SLC35D1: variants seen among roughly 807,000 people sequenced by gnomAD.
The protein encoded by SLC35D1 is nucleotide sugar transporter SLC35D1.
SLC35D1 carries 31 observed loss-of-function variants against 46.7 expected under a neutral mutation model. The observed-to-expected ratio is 0.66, with a 90% CI of 0.50 to 0.90. SLC35D1 has a LOEUF of 0.90. SLC35D1 is among the 40% of genes least tolerant of loss of function. SLC35D1 has a pLI of 0.00. For synonymous variants in SLC35D1, 195 were observed against 164.6 expected, an observed-to-expected ratio of 1.18 and a Z score of -1.41; for missense variants, 397 against 426.2, an observed-to-expected ratio of 0.93 and a Z score of 0.60.
chr1:67,046,871 TTG>T, intron 7 of SLC35D1, among the ~76,000 whole-genome samples: 1 of 152,318 alleles, frequency 6.6e-6, no homozygotes, highest in South Asian at 2.1e-4. Flanking sequence ...AAGGCCATTT[TTG>T]TTTTGCAGCC....
intron 6 of SLC35D1, among the ~76,000 whole-genome samples, chr1:67,049,283 G>A (rs1226427232): frequency 1.3e-5 from 2 of 149,104 alleles, no homozygotes; most frequent in Non-Finnish European, 3.0e-5. Context: ...GACAGAGCAA[G>A]ACTCCGTCTC....
chr1:66,989,652 G>T, the SLC35D1 span, among the ~76,000 whole-genome samples: 1 of 152,096 alleles, frequency 6.6e-6, no homozygotes, highest in Non-Finnish European at 1.5e-5. Context: ...ATTTGTAGAG[G>T]TGAGGTCTCA....
At position 67,032,175 on chromosome 1, in the gene SLC35D1, G is replaced by A. The variant is rs770968022; in HGVS notation, c.729+10061C>T. 2.1e-4 allele frequency: 159 copies of A among 754,268 alleles called. 2 individuals carry two copies. Among genetic ancestry groups the A allele is most frequent in the Non-Finnish European group, 2.5e-4 (156 of 619,088 alleles). 46.7% of individuals were successfully genotyped at this position (754,268 alleles called of 1,614,324 possible). ...TTCTGTTTTGAATAAAGTCTTTAGC[G>A]CTACAGGTGCCAGTATAATGTAAAT... On this transcript the variant is annotated intron_variant, in intron 8 of 11. Transcript: ENST00000235345.
chr1:66,983,644 C>G, the SLC35D1 span, among the ~76,000 whole-genome samples: 2 of 152,130 alleles, frequency 1.3e-5, no homozygotes, highest in African/African-American at 4.8e-5. Flanking sequence ...TTAGCACTTT[C>G]AAGTATATGC....
chr1:66,992,563 A>G, the SLC35D1 span, among the ~76,000 whole-genome samples: 6 of 152,234 alleles, frequency 3.9e-5, no homozygotes, highest in African/African-American at 1.4e-4. Context: ...CTTTAGACTG[A>G]GCTGCTTTGA....
rs182321757 is a variant in SLC35D1 at position 67,004,296 on chromosome 1, G to C, written c.*44C>G. The C allele has an allele frequency of 6.7e-5, 103 of 1,533,090 alleles. No homozygotes were observed. Among genetic ancestry groups the C allele is most frequent in the Non-Finnish European group, 8.1e-5 (90 of 1,106,864 alleles). 95.0% of individuals were successfully genotyped at this position (1,533,090 alleles called of 1,614,324 possible). A position where few individuals can be genotyped will look rare whatever the true frequency, so the allele number is the denominator to read the frequency against. On this transcript the variant is annotated 3_prime_UTR_variant, in exon 12 of 12. Transcript: ENST00000235345. ...GTAGGAACTGCCAGTGTTCTGAGTT[G>C]ATTAAAAACTTAGGCCTACGTATCA...
Position 67,052,805 on chromosome 1 carries a change from T to C in SLC35D1, c.290A>G (p.Lys97Arg), listed in dbSNP as rs1645324131. ...TACATTTCTGTCAAGGTCAGGAAACTTGACTACTCTGAGCGCCTTTCCCAC... is the reference window on the plus strand; with the variant it reads ...TACATTTCTGTCAAGGTCAGGAAACCTGACTACTCTGAGCGCCTTTCCCAC... Reference protein sequence around the residue: ...LWVGKALRVVKFPDLDRNVPR... With the variant: ...LWVGKALRVVRFPDLDRNVPR... Residue 97 changes from lysine to arginine, a missense_variant, in exon 3 of 12, where the codon AAG (lysine) becomes AGG (arginine). Transcript: ENST00000235345. 6.2e-7 allele frequency: 1 copy of C among 1,614,192 alleles called. No homozygotes were observed. Among genetic ancestry groups the C allele is most frequent in the Non-Finnish European group, 8.5e-7 (1 of 1,180,036 alleles).
chr1:67,040,804 A>G (rs1227489357), intron 8 of SLC35D1, among the ~76,000 whole-genome samples: 1 of 152,210 alleles, frequency 6.6e-6, no homozygotes, highest in East Asian at 1.9e-4. Context: ...CTGCTAAAAG[A>G]AACTTTATAT....
Position 67,003,544 on chromosome 1 carries a change from G to A in SLC35D1, c.*796C>T, listed in dbSNP as rs562619569. ...CCTTACCTGAGTCACTATGGCAGGA[G>A]TGAGATGTTTCAACTACCTCTGCAA... On this transcript the variant is annotated 3_prime_UTR_variant, in exon 12 of 12. Transcript: ENST00000235345. 1 of 152,502 alleles carries A rather than the reference G, an allele frequency of 6.6e-6. No homozygotes were observed. The highest frequency in any genetic ancestry group is 1.9e-4 in the East Asian group (1 of 5,292). The allele number at this position is 152,502 out of a possible 1,614,324, so 9.4% of individuals were successfully genotyped here. A position where few individuals can be genotyped will look rare whatever the true frequency, so the allele number is the denominator to read the frequency against.
chr1:67,033,576 T>C (rs1450671690), intron 8 of SLC35D1, among the ~76,000 whole-genome samples: 1 of 152,180 alleles, frequency 6.6e-6, no homozygotes, highest in Non-Finnish European at 1.5e-5. Flanking sequence ...TTTAATCAGA[T>C]TACTAGATTT....
chr1:66,991,948 G>A, the SLC35D1 span, among the ~76,000 whole-genome samples: 10 of 152,118 alleles, frequency 6.6e-5, no homozygotes, highest in Admixed American at 6.5e-4. Flanking sequence ...TGATACCAAT[G>A]TGCCAGTAGG....
chr1:67,036,263 A>G (rs760972552), intron 8 of SLC35D1, among the ~76,000 whole-genome samples: 1 of 152,126 alleles, frequency 6.6e-6, no homozygotes, highest in Non-Finnish European at 1.5e-5. Context: ...GATCTGTCCA[A>G]TGCTGAAACT....
At chr1:67,018,777 C>A (rs1039302543) in intron 10 of SLC35D1, among the ~76,000 whole-genome samples, 1 of 152,180 alleles carries the variant, frequency 6.6e-6, no homozygotes, top group African/African-American at 2.4e-5. Flanking sequence ...GGAGGAATGG[C>A]TGAGCTAAAT....
At chr1:66,989,711 C>T in the SLC35D1 span, among the ~76,000 whole-genome samples, 656 of 152,338 alleles carry the variant, frequency 4.3e-3, 1 homozygote, top group Admixed American at 6.8e-3. Context: ...GTGATCCTCC[C>T]GCCTCAGCCT....
At position 67,050,521 on chromosome 1, in the gene SLC35D1, T is replaced by C. The variant is rs763302374; in HGVS notation, c.393-17A>G. 9.4e-6 allele frequency: 15 copies of C among 1,589,878 alleles called. 1 individual carries two copies. In the South Asian group the frequency reaches 1.7e-4, roughly 18 times the overall value. On this transcript the variant is annotated splice_polypyrimidine_tract_variant and intron_variant, in intron 4 of 11. Transcript: ENST00000235345. The stretch of plus-strand genomic sequence containing the variant: ...ATTGGCAAGCTGGAAAAAAAAAAGA[T>C]AATTAGGTAAAATAGAATTTAACAA...
intron 7 of SLC35D1, among the ~76,000 whole-genome samples, chr1:67,046,131 T>C (rs996696314): frequency 1.3e-5 from 2 of 152,114 alleles, no homozygotes; most frequent in South Asian, 2.1e-4. Flanking sequence ...CCGTCCTTGG[T>C]TCTTCAAGCC....
At chr1:67,011,345 G>A (rs1362948192) in intron 10 of SLC35D1, among the ~76,000 whole-genome samples, 1 of 152,240 alleles carries the variant, frequency 6.6e-6, no homozygotes, top group African/African-American at 2.4e-5. Context: ...TTTGGAAGCT[G>A]CAGCAAAGAT....
At chr1:67,031,078 T>C (rs1001246070) in intron 8 of SLC35D1, among the ~76,000 whole-genome samples, 1 of 152,208 alleles carries the variant, frequency 6.6e-6, no homozygotes, top group Non-Finnish European at 1.5e-5. Context: ...AAATATATAC[T>C]GCACAGTCTC....
At chr1:67,049,085 G>A (rs908390054) in intron 6 of SLC35D1, among the ~76,000 whole-genome samples, 2 of 152,266 alleles carry the variant, frequency 1.3e-5, no homozygotes, top group East Asian at 1.9e-4. Context: ...ACGAGGTCAG[G>A]AGATCGAGAC....
Sources: allele counts gnomAD v4.1 joint callset (sites outside exome capture counted in the v4.1 genomes callset), GRCh38; gene constraint gnomAD v4.1.1; transcripts MANE v1.5; gene names NCBI Gene and HGNC (gene_info 2026-07-23, HGNC 2026-07-21).